Variants in LRP1B observed in about 807,000 individuals in gnomAD.
LRP1B encodes LDL receptor related protein 1B.
In LRP1B, 217 loss-of-function variants were observed where a neutral mutation model predicts 556.6. The observed-to-expected ratio is 0.39, with a 90% CI of 0.35 to 0.44. The LOEUF is 0.44. Among genes scored for constraint, LRP1B ranks in the 20% least tolerant of loss-of-function variants. The probability of loss-of-function intolerance (pLI) is 1.00; values close to 1 mark genes in which losing one functional copy is unlikely to be tolerated. For missense variants in LRP1B, 5,053 were observed against 5,620.8 expected (o/e 0.90, Z 3.23); for synonymous variants, 2,047 against 1,865.8 (o/e 1.10, Z -2.50).
chr2:142,042,749 G>C (rs1704107507), intron 1 of LRP1B, among the ~76,000 whole-genome samples: 1 of 151,574 alleles, frequency 6.6e-6, no homozygotes, highest in African/African-American at 2.4e-5. Flanking sequence ...AACCCACCAT[G>C]ATTTGGAATT....
intron 35 of LRP1B, among the ~76,000 whole-genome samples, chr2:140,741,531 A>G (rs1688137303): frequency 6.6e-6 from 1 of 151,944 alleles, no homozygotes. Context: ...GGTTTGTTAC[A>G]TGGGTAAATT....
intron 3 of LRP1B, among the ~76,000 whole-genome samples, chr2:141,447,521 C>CA (rs770236748): frequency 2.0e-4 from 30 of 152,198 alleles, no homozygotes; most frequent in Middle Eastern, 3.4e-3. Context: ...AGCCTTTTTG[C>CA]ACTGGTGTTT....
chr2:140,437,724 T>C (rs72897813), intron 66 of LRP1B, among the ~76,000 whole-genome samples: 25,783 of 152,204 alleles, frequency 0.17, 2,463 homozygotes, highest in Non-Finnish European at 0.22. Flanking sequence ...TAGATTTGCA[T>C]ATATGCATAT....
chr2:140,568,200 CAAAA>C (rs56676136), intron 43 of LRP1B, among the ~76,000 whole-genome samples: 2,454 of 123,710 alleles, frequency 0.02, 65 homozygotes, highest in African/African-American at 0.068. Flanking sequence ...CACCATGGTC[CAAAA>C]AAAAAAAAAA....
At chr2:141,777,793 G>A (rs1295020831) in intron 2 of LRP1B, among the ~76,000 whole-genome samples, 1 of 152,040 alleles carries the variant, frequency 6.6e-6, no homozygotes. Flanking sequence ...GGCTATTCTT[G>A]AAACACAGCG....
chr2:140,494,081 T>C (rs1208909979), intron 56 of LRP1B, among the ~76,000 whole-genome samples: 1 of 152,204 alleles, frequency 6.6e-6, no homozygotes, highest in African/African-American at 2.4e-5. Flanking sequence ...TTTTAAAAAA[T>C]CTCTGTAGTG....
intron 79 of LRP1B, 145 bp downstream of exon 79, chr2:140,334,308 A>T (rs1680963066): frequency 1.7e-6 from 1 of 586,770 alleles, no homozygotes. Flanking sequence ...AGGAAATGAA[A>T]TGTAAATAAC....
chr2:140,767,961 G>A (rs1346811893), intron 35 of LRP1B, among the ~76,000 whole-genome samples: 4 of 151,858 alleles, frequency 2.6e-5, no homozygotes, highest in African/African-American at 9.7e-5. Flanking sequence ...AGGTACATAA[G>A]AGACAAGGTA....
At chr2:140,320,669 C>T (rs1573784972) in intron 82 of LRP1B, among the ~76,000 whole-genome samples, 1 of 151,820 alleles carries the variant, frequency 6.6e-6, no homozygotes, top group East Asian at 1.9e-4. Flanking sequence ...TTCAAGCTGT[C>T]CTCTGGTCTC....
intron 2 of LRP1B, among the ~76,000 whole-genome samples, chr2:141,557,438 A>C (rs368730758): frequency 3.3e-5 from 5 of 151,946 alleles, no homozygotes; most frequent in East Asian, 1.9e-4. Context: ...TCTTAAGTGC[A>C]TGTGAATAAC....
chr2:142,010,196 A>C (rs1574589809), intron 1 of LRP1B, among the ~76,000 whole-genome samples: 3 of 152,042 alleles, frequency 2.0e-5, no homozygotes, highest in African/African-American at 7.2e-5. Flanking sequence ...GATGCTACAA[A>C]TCATGCCACA....
At chr2:140,612,779 A>G (rs1490667455) in intron 41 of LRP1B, among the ~76,000 whole-genome samples, 1 of 151,968 alleles carries the variant, frequency 6.6e-6, no homozygotes, top group Non-Finnish European at 1.5e-5. Flanking sequence ...ATTAGTGTCA[A>G]CTCTTATGCC....
At chr2:141,101,484 C>T (rs1006275809) in intron 7 of LRP1B, among the ~76,000 whole-genome samples, 1 of 152,082 alleles carries the variant, frequency 6.6e-6, no homozygotes, top group Non-Finnish European at 1.5e-5. Context: ...TAGGATCTTC[C>T]TAATACATTA....
At chr2:141,359,132 A>C (rs1270118951) in intron 3 of LRP1B, among the ~76,000 whole-genome samples, 2 of 152,024 alleles carry the variant, frequency 1.3e-5, no homozygotes, top group African/African-American at 4.8e-5. Context: ...TTTTGAGGCA[A>C]AAATATAGCA....
chr2:140,541,997 T>G (rs1680154208), intron 43 of LRP1B, 26 bp from the exon 44 acceptor site: 1 of 1,535,744 alleles, frequency 6.5e-7, no homozygotes, highest in Non-Finnish European at 8.9e-7. Context: ...ATACTGTATT[T>G]TTATGATGAA....
At chr2:140,537,681 C>T (rs1319616229) in intron 45 of LRP1B, among the ~76,000 whole-genome samples, 2 of 151,564 alleles carry the variant, frequency 1.3e-5, no homozygotes, top group Non-Finnish European at 2.9e-5. Context: ...CAGATGACCG[C>T]TGTCAGAAAG....
At chr2:142,052,234 G>A (rs1453795065) in intron 1 of LRP1B, among the ~76,000 whole-genome samples, 10 of 151,488 alleles carry the variant, frequency 6.6e-5, no homozygotes, top group Non-Finnish European at 1.5e-5. Flanking sequence ...AATAATAAAC[G>A]AGTTTAGAAA....
chr2:140,867,520 C>T (rs2105152815), intron 27 of LRP1B, 70 bp downstream of exon 27: 1 of 1,451,720 alleles, frequency 6.9e-7, no homozygotes, highest in Non-Finnish European at 9.2e-7. Context: ...TTATTTTATA[C>T]TTCAAATATT....
intron 2 of LRP1B, among the ~76,000 whole-genome samples, chr2:141,649,837 A>G (rs901475507): frequency 6.6e-6 from 1 of 152,224 alleles, no homozygotes; most frequent in Non-Finnish European, 1.5e-5. Flanking sequence ...GAAAATGAAT[A>G]TTAAAGTAAG....
Sources: gnomAD v4.1 joint callset for allele counts (sites outside exome capture counted in the v4.1 genomes callset) on GRCh38, gnomAD v4.1.1 for gene constraint, MANE v1.5 for transcripts, NCBI Gene and HGNC (gene_info 2026-07-23, HGNC 2026-07-21) for gene names.